The following NSUN4 variants were observed in gnomAD, a reference collection of about 807,000 sequenced individuals.
The protein encoded by NSUN4 is NOP2/Sun RNA methyltransferase 4, also known as 5-cytosine rRNA methyltransferase NSUN4.
NSUN4 carries 31 observed loss-of-function variants against 43.8 expected under a neutral mutation model. The observed-to-expected ratio is 0.71, with a 90% CI of 0.53 to 0.96. NSUN4 has a LOEUF of 0.96. NSUN4 is among the 40% of genes least tolerant of loss of function. The pLI is 0.00. For missense variants in NSUN4, 439 were observed against 475.6 expected, an observed-to-expected ratio of 0.92 and a Z score of 0.72; for synonymous variants, 167 against 184.1, an observed-to-expected ratio of 0.91 and a Z score of 0.75.
chr1:46,357,400 C>T (rs1393788329), intron 4 of NSUN4, among the ~76,000 whole-genome samples: 1 of 152,208 alleles, frequency 6.6e-6, no homozygotes, highest in Non-Finnish European at 1.5e-5. Context: ...CCAGGCTGGT[C>T]TCGAAATCCT....
chr1:46,358,767 TTTTG>T (rs1663586732), intron 4 of NSUN4, among the ~76,000 whole-genome samples: 1 of 152,170 alleles, frequency 6.6e-6, no homozygotes, highest in African/African-American at 2.4e-5. Flanking sequence ...GTCCTTGCTG[TTTTG>T]TTTTTCTTTT....
At chr1:46,359,931 C>T (rs1317563157) in intron 4 of NSUN4, among the ~76,000 whole-genome samples, 3 of 151,312 alleles carry the variant, frequency 2.0e-5, no homozygotes, top group Admixed American at 2.0e-4. Flanking sequence ...GCTGTCCCTA[C>T]AAAAATACAA....
chr1:46,346,592 C>T (rs971280895), intron 2 of NSUN4, among the ~76,000 whole-genome samples: 13 of 147,944 alleles, frequency 8.8e-5, no homozygotes, highest in African/African-American at 1.3e-4. Flanking sequence ...GGCATGGTGG[C>T]GGGCACCTGT....
rs1557746794 is a variant in NSUN4, at chr1:46,363,776, A to G, written c.*1930A>G. 1 of 152,634 alleles carries G rather than the reference A, an allele frequency of 6.6e-6. No individual in the cohort carries two copies. Among genetic ancestry groups the G allele is most frequent in the Non-Finnish European group, 1.5e-5 (1 of 68,038 alleles). 9.5% of individuals were successfully genotyped at this position (152,634 alleles called of 1,614,324 possible). ...CATAATAGAACATTATACAATTGTC[A>G]AATGAACTATAATGATACCTAACCA... On this transcript the variant is annotated 3_prime_UTR_variant, in exon 6 of 6. Coordinates refer to ENST00000474844, the MANE Select transcript of NSUN4 (RefSeq NM_199044.4).
chr1:46,363,473 C>T lies in NSUN4; in HGVS notation c.*1627C>T, dbSNP rs1226439371. On this transcript the variant is annotated 3_prime_UTR_variant, in exon 6 of 6. Coordinates refer to ENST00000474844, the MANE Select transcript of NSUN4 (RefSeq NM_199044.4). The stretch of plus-strand genomic sequence containing the variant: ...GTGGTAATTCAAAATGAGAGGGTCC[C>T]CTGCCTCTAGAGTCATCATCTAATT... The T allele has an allele frequency of 3.9e-5, 6 of 152,158 alleles. No homozygotes were observed. Among genetic ancestry groups the T allele is most frequent in the African/African-American group, 1.4e-4 (6 of 41,414 alleles). 9.4% of individuals were successfully genotyped at this position (152,158 alleles called of 1,614,324 possible).
rs191575031 is a variant in NSUN4, at chr1:46,353,637, G to A, written c.753+609G>A. ...ATTACAAGCGCCCACCACCACGCCC[G>A]GCTAATTTTTGTATTTTTTTTAGTA... On this transcript the variant is annotated intron_variant, in intron 4 of 5. Transcript: ENST00000474844. 2.0e-4 allele frequency among the ~76,000 whole-genome samples: 30 copies of A among 151,968 alleles called. 1 individual carries two copies. In the East Asian group the frequency reaches 2.5e-3, roughly 13 times the overall value.
chr1:46,383,931 G>T, the NSUN4 span, among the ~76,000 whole-genome samples: 1 of 152,184 alleles, frequency 6.6e-6, no homozygotes, highest in Non-Finnish European at 1.5e-5. Context: ...TCTTATTCCT[G>T]ATGCATGTGG....
At chr1:46,348,808 G>GTTTTT (rs869234807) in intron 3 of NSUN4, among the ~76,000 whole-genome samples, 1,549 of 77,860 alleles carry the variant, frequency 0.02, 249 homozygotes, top group African/African-American at 0.048. Context: ...CTTGTGCACT[G>GTTTTT]TTTTTTTTTT....
intron 4 of NSUN4, among the ~76,000 whole-genome samples, chr1:46,357,407 T>C (rs1400994370): frequency 6.6e-6 from 1 of 152,236 alleles, no homozygotes; most frequent in Non-Finnish European, 1.5e-5. Context: ...GGTCTCGAAA[T>C]CCTGGGCTAA....
At chr1:46,356,371 G>C (rs1387438211) in intron 4 of NSUN4, among the ~76,000 whole-genome samples, 1 of 149,470 alleles carries the variant, frequency 6.7e-6, no homozygotes, top group Non-Finnish European at 1.5e-5. Context: ...GTGCCCAGCC[G>C]TGTTAAGCAC....
intron 3 of NSUN4, among the ~76,000 whole-genome samples, chr1:46,348,355 T>C (rs1662680002): frequency 6.6e-6 from 1 of 152,190 alleles, no homozygotes; most frequent in Admixed American, 6.6e-5. Context: ...AGCATGGGTA[T>C]CGCCCTTGCA....
At position 46,363,512 on chromosome 1, in the gene NSUN4, C is replaced by T. The variant is rs1189121564; in HGVS notation, c.*1666C>T. 6.6e-6 allele frequency: 1 copy of T among 152,092 alleles called. No individual in the cohort carries two copies. The highest frequency in any genetic ancestry group is 1.5e-5 in the Non-Finnish European group (1 of 68,026). 9.4% of individuals were successfully genotyped at this position (152,092 alleles called of 1,614,324 possible). A position where few individuals can be genotyped will look rare whatever the true frequency, so the allele number is the denominator to read the frequency against. ...CATCATCTAATTGGGGACAGGCAGA[C>T]CTAGATAAGAAAAGCAGAGAACTAC... On this transcript the variant is annotated 3_prime_UTR_variant, in exon 6 of 6. Transcript: ENST00000474844.
the NSUN4 span, among the ~76,000 whole-genome samples, chr1:46,378,118 C>T: frequency 2.6e-5 from 4 of 151,906 alleles, no homozygotes; most frequent in South Asian, 2.1e-4. Context: ...AGGCTGGTCT[C>T]GAACTCCTGA....
At position 46,359,443 on chromosome 1, in the gene NSUN4, G is replaced by A. The variant is rs1019897262; in HGVS notation, c.754-1261G>A. Among the ~76,000 whole-genome samples the A allele has an allele frequency of 6.6e-5, 10 of 151,470 alleles. 1 individual carries two copies. The highest frequency in any genetic ancestry group is 1.7e-4 in the African/African-American group (7 of 41,230). On this transcript the variant is annotated intron_variant, in intron 4 of 5. Transcript: ENST00000474844. ...GCCAAAGGCTGGAGTGCAGTGGCGC[G>A]GTCTTGGCTTACTGCTACCTCCGCC...
chr1:46,353,023 G>A lies in NSUN4; in HGVS notation c.748G>A (p.Asp250Asn). The change falls in exon 4 of 6, where the codon GAC becomes AAC. Residue 250 changes from aspartate to asparagine, a missense_variant. Transcript: ENST00000474844. ...KWGELEGDTYDRVLVDVPCTT... is the reference protein window; with the variant it reads ...KWGELEGDTYNRVLVDVPCTT... Reference sequence around the variant, plus strand: ...GGGAGAACTGGAGGGGGACACCTATGACCGGGTGAGTGATTCTTGATTTAG... The same window carrying A: ...GGGAGAACTGGAGGGGGACACCTATAACCGGGTGAGTGATTCTTGATTTAG... 1 of 1,614,038 alleles carries A rather than the reference G, an allele frequency of 6.2e-7. No individual in the cohort carries two copies. The highest frequency in any genetic ancestry group is 8.5e-7 in the Non-Finnish European group (1 of 1,179,942).
chr1:46,381,987 C>T, the NSUN4 span, among the ~76,000 whole-genome samples: 1 of 152,186 alleles, frequency 6.6e-6, no homozygotes, highest in African/African-American at 2.4e-5. Context: ...GCTTAACATA[C>T]TCAAGAGCCT....
chr1:46,379,036 CTT>C, the NSUN4 span, among the ~76,000 whole-genome samples: 1 of 152,188 alleles, frequency 6.6e-6, no homozygotes, highest in African/African-American at 2.4e-5. Flanking sequence ...GAAATAGACT[CTT>C]CTCCTGGGGA....
At chr1:46,370,259 A>T in the NSUN4 span, among the ~76,000 whole-genome samples, 3 of 152,116 alleles carry the variant, frequency 2.0e-5, no homozygotes, top group Admixed American at 6.6e-5. Flanking sequence ...GAGTATCCCC[A>T]GGGGCAGAGC....
chr1:46,371,815 G>A, the NSUN4 span, among the ~76,000 whole-genome samples: 31,375 of 151,998 alleles, frequency 0.21, 3,964 homozygotes, highest in Non-Finnish European at 0.29. Context: ...AAGCAAGTGG[G>A]GGTGGAGGTG....
Sources: gnomAD v4.1 joint callset for allele counts (sites outside exome capture counted in the v4.1 genomes callset) on GRCh38, gnomAD v4.1.1 for gene constraint, MANE v1.5 for transcripts, NCBI Gene and HGNC (gene_info 2026-07-23, HGNC 2026-07-21) for gene names.